Variants in ASIC5 observed in about 807,000 individuals in gnomAD.
ASIC5 encodes acid sensing ion channel subunit family member 5.
Under a neutral mutation model 51.2 loss-of-function variants are expected in ASIC5, and 52 were observed. The observed-to-expected ratio is 1.02, with a 90% CI of 0.81 to 1.28. The LOEUF (loss-of-function observed/expected upper bound fraction) is 1.28. Ranked by LOEUF, ASIC5 falls within the 50% of genes most tolerant of loss-of-function variation. The pLI is 0.00. For missense variants in ASIC5, 635 were observed against 595.0 expected, an observed-to-expected ratio of 1.07 and a Z score of -0.70; for synonymous variants, 231 against 200.7, an observed-to-expected ratio of 1.15 and a Z score of -1.28.
At chr4:155,858,184 A>G (rs1741595315) in intron 2 of ASIC5, among the ~76,000 whole-genome samples, 1 of 152,240 alleles carries the variant, frequency 6.6e-6, no homozygotes, top group Admixed American at 6.5e-5. Flanking sequence ...AAGCACTAGA[A>G]TTGATACCAA....
At chr4:155,847,876 T>C (rs1741292729) in intron 4 of ASIC5, among the ~76,000 whole-genome samples, 1 of 151,988 alleles carries the variant, frequency 6.6e-6, no homozygotes. Context: ...AAGTTCAGTT[T>C]CTCTATAAAT....
intron 2 of ASIC5, chr4:155,854,654 T>C: frequency 3.9e-6 from 1 of 257,482 alleles, no homozygotes; most frequent in Non-Finnish European, 7.4e-6. Flanking sequence ...GGCCTTGTCC[T>C]GTGTCAGCTT....
rs142346233 is a variant in ASIC5, at chr4:155,836,806, C to T, written c.1118G>A (p.Cys373Tyr). 2 of 1,609,224 alleles carry T rather than the reference C, an allele frequency of 1.2e-6. No individual in the cohort carries two copies. The highest frequency in any genetic ancestry group is 2.7e-5 in the African/African-American group (2 of 74,770). Residue 373 changes from cysteine to tyrosine, a missense_variant, in exon 8 of 10, where the codon TGC (cysteine) becomes TAC (tyrosine). Coordinates refer to ENST00000537611, the MANE Select transcript of ASIC5 (RefSeq NM_017419.3). Reference sequence around the variant, plus strand: ...TTCTATTTCTTCACAAGAAACGGGGCAGCTAGAGTTATGTGTTCCTACTGT... The same window carrying T: ...TTCTATTTCTTCACAAGAAACGGGGTAGCTAGAGTTATGTGTTCCTACTGT... ...LCTVGTHNSS[C>Y]PVSCEEIEYP... is the part of the protein sequence containing the mutation.
At chr4:155,830,700 G>C (rs1317492426) in intron 9 of ASIC5, among the ~76,000 whole-genome samples, 2 of 151,966 alleles carry the variant, frequency 1.3e-5, no homozygotes, top group African/African-American at 4.8e-5. Context: ...CTATTTGCAG[G>C]ATGTTTTCAT....
chr4:155,842,818 G>A (rs961773551), intron 5 of ASIC5, among the ~76,000 whole-genome samples: 2 of 152,026 alleles, frequency 1.3e-5, no homozygotes, highest in Non-Finnish European at 2.9e-5. Flanking sequence ...AGGCTCGCGG[G>A]CAAATAGAAG....
chr4:155,844,001 A>T (rs560014582), intron 4 of ASIC5, among the ~76,000 whole-genome samples, 171 bp from the exon 5 acceptor site: 1 of 152,242 alleles, frequency 6.6e-6, no homozygotes, highest in East Asian at 1.9e-4. Context: ...GACATACTTT[A>T]GTGGTTGAAT....
intron 8 of ASIC5, among the ~76,000 whole-genome samples, chr4:155,836,318 G>A (rs1226556398): frequency 6.6e-6 from 1 of 152,104 alleles, no homozygotes; most frequent in African/African-American, 2.4e-5. Context: ...ATTAATTTCT[G>A]TTTCATCTAC....
chr4:155,831,683 A>G (rs1740872597), intron 9 of ASIC5, 141 bp downstream of exon 9: 2 of 478,852 alleles, frequency 4.2e-6, no homozygotes, highest in South Asian at 5.4e-5. Flanking sequence ...AGGCAGGAGA[A>G]TGGTGTGAAC....
Position 155,836,868 on chromosome 4 carries a change from A to G in ASIC5, c.1067-11T>C. 1 of 1,571,080 alleles carries G rather than the reference A, an allele frequency of 6.4e-7. No homozygotes were observed. Among genetic ancestry groups the G allele is most frequent in the African/African-American group, 1.4e-5 (1 of 73,798 alleles). On this transcript the variant is annotated splice_polypyrimidine_tract_variant and intron_variant, in intron 7 of 9. Transcript: ENST00000537611. ...TAAATTCAATGTGGTCTGAAATGAAAATCAGGACAGGGAATTCAGAGAAGA... is the reference window on the plus strand; with the variant it reads ...TAAATTCAATGTGGTCTGAAATGAAGATCAGGACAGGGAATTCAGAGAAGA...
At chr4:155,862,988 C>A (rs920435937) in intron 2 of ASIC5, among the ~76,000 whole-genome samples, 1 of 152,100 alleles carries the variant, frequency 6.6e-6, no homozygotes, top group African/African-American at 2.4e-5. Context: ...CCATATTGCA[C>A]TATGATTGTT....
At chr4:155,846,930 A>G (rs572979800) in intron 4 of ASIC5, among the ~76,000 whole-genome samples, 3 of 152,228 alleles carry the variant, frequency 2.0e-5, no homozygotes, top group African/African-American at 7.2e-5. Flanking sequence ...AAGGTTATGT[A>G]TAAAACAAGG....
At chr4:155,850,398 T>A (rs376628876) in intron 4 of ASIC5, among the ~76,000 whole-genome samples, 10 of 152,160 alleles carry the variant, frequency 6.6e-5, no homozygotes, top group African/African-American at 2.4e-4. Context: ...CATGTCTTCC[T>A]AAAATGTATA....
At chr4:155,843,854 C>G in intron 4 of ASIC5, 24 bp from the exon 5 acceptor site, 2 of 1,612,216 alleles carry the variant, frequency 1.2e-6, no homozygotes. Context: ...ATGTTTTTGC[C>G]CAAATTGCAA....
chr4:155,843,293 C>A (rs1473169747), intron 5 of ASIC5, among the ~76,000 whole-genome samples: 1 of 152,038 alleles, frequency 6.6e-6, no homozygotes, highest in Non-Finnish European at 1.5e-5. Context: ...AAGAAGTTAC[C>A]GGGCAAGTAA....
intron 2 of ASIC5, among the ~76,000 whole-genome samples, chr4:155,855,627 T>G (rs1741516969): frequency 6.6e-6 from 1 of 151,498 alleles, no homozygotes; most frequent in South Asian, 2.1e-4. Context: ...ATGTGGTTTG[T>G]ATGTCATACC....
At position 155,838,865 on chromosome 4, in the gene ASIC5, A is replaced by G. The variant is rs199914925; in HGVS notation, c.1014T>C (p.Tyr338=). Residue 338 remains tyrosine, a synonymous_variant, in exon 7 of 10, where the codon TAT becomes TAC. Coordinates refer to ENST00000537611, the MANE Select transcript of ASIC5 (RefSeq NM_017419.3). The part of the protein sequence containing the change: ...CGCVPFLLPG[Y]GIECDLQKYF... ...ACTTTTGTAGGTCACATTCTATCCC[A>G]TATCCTTAAAAATAATAAGTGTAAC... is the stretch of plus-strand genomic sequence containing the variant. The G allele has an allele frequency of 6.4e-7, 1 of 1,558,532 alleles. No individual in the cohort carries two copies. The highest frequency in any genetic ancestry group is 2.3e-5 in the East Asian group (1 of 44,182).
intron 4 of ASIC5, among the ~76,000 whole-genome samples, chr4:155,851,816 T>C (rs1257178387): frequency 6.6e-6 from 1 of 152,064 alleles, no homozygotes; most frequent in African/African-American, 2.4e-5. Context: ...TATGTAGAGT[T>C]TCTTTCTAAA....
At chr4:155,838,927 A>G in intron 6 of ASIC5, 58 bp from the exon 7 acceptor site, 1 of 913,162 alleles carries the variant, frequency 1.1e-6, no homozygotes, top group South Asian at 1.6e-5. Flanking sequence ...TAAGTGATCT[A>G]ATGACAAAAA....
intron 9 of ASIC5, 34 bp downstream of exon 9, chr4:155,831,790 T>G (rs771657824): frequency 7.7e-7 from 1 of 1,295,616 alleles, no homozygotes. Context: ...AATAAGTAAA[T>G]AAATAAAATA....
Sources: allele counts gnomAD v4.1 joint callset (sites outside exome capture counted in the v4.1 genomes callset), GRCh38; gene constraint gnomAD v4.1.1; transcripts MANE v1.5; gene names NCBI Gene and HGNC (gene_info 2026-07-23, HGNC 2026-07-21).